ZDBF2: variants seen among roughly 807,000 people sequenced by gnomAD.
The protein encoded by ZDBF2 is zinc finger DBF-type containing 2.
In ZDBF2, 6 loss-of-function variants were observed where a neutral mutation model predicts 9.4. That is an observed-to-expected ratio of 0.64 (90% CI 0.35 to 1.27). The LOEUF is 1.27. Among genes scored for constraint, ZDBF2 ranks in the 50% most tolerant of loss-of-function variants. The probability of loss-of-function intolerance (pLI) is 0.03; values close to 1 mark genes in which losing one functional copy is unlikely to be tolerated. For missense variants in ZDBF2, 2,697 were observed against 2,766.8 expected, an observed-to-expected ratio of 0.97 and a Z score of 0.57; for synonymous variants, 905 against 946.3, an observed-to-expected ratio of 0.96 and a Z score of 0.80.
In ZDBF2 at chr2:206,311,482, T is replaced by A; in HGVS notation, c.6954T>A (p.Gly2318=). The change falls in exon 5 of 5, where the codon GGT becomes GGA. Residue 2318 remains glycine (G), a synonymous_variant. Coordinates refer to ENST00000374423, the MANE Select transcript of ZDBF2 (RefSeq NM_020923.3). ...TDESYHGRQK[G]PSTPVRAYDL... is the part of the protein sequence containing the mutation. The stretch of plus-strand genomic sequence containing the variant: ...AAAGCTACCATGGCCGACAGAAAGG[T>A]CCTTCTACACCTGTGAGAGCATATG... The A allele has an allele frequency of 2.5e-6, 4 of 1,611,040 alleles. No individual in the cohort carries two copies. Among genetic ancestry groups the A allele is most frequent in the Non-Finnish European group, 3.4e-6 (4 of 1,179,006 alleles).
intron 1 of ZDBF2, among the ~76,000 whole-genome samples, chr2:206,278,563 GC>G (rs1209246293): frequency 6.6e-6 from 1 of 152,038 alleles, no homozygotes; most frequent in Non-Finnish European, 1.5e-5. Context: ...CAATCTACTT[GC>G]CCTGGTTTAT....
chr2:206,286,044 T>A (rs1229812494), intron 3 of ZDBF2, among the ~76,000 whole-genome samples: 1 of 152,250 alleles, frequency 6.6e-6, no homozygotes, highest in Non-Finnish European at 1.5e-5. Context: ...ATTTCTAGTT[T>A]ATGCTATTGT....
chr2:206,304,694 G>T, intron 4 of ZDBF2, 23 bp from the exon 5 acceptor site: 2 of 1,574,282 alleles, frequency 1.3e-6, no homozygotes, highest in South Asian at 2.4e-5. Flanking sequence ...ATATGTTTAT[G>T]AGTTTCCCCC....
rs1055294454 is a variant in ZDBF2, at chr2:206,277,312, A to T, written c.-102-2228A>T. Among the ~76,000 whole-genome samples the T allele has an allele frequency of 5.7e-5, 8 of 141,562 alleles. No individual in the cohort carries two copies. The East Asian group carries it at 8.1e-4, about 14-fold the overall frequency. The allele number at this position is 141,562 out of a possible 152,430, so 92.9% of individuals were successfully genotyped here. ...TCAGGTGTGCAAGAAATATTTCTTT[A>T]AAAAAAAAAAAACCAAAAACAAAAT... On this transcript the variant is annotated intron_variant, in intron 1 of 4. Transcript: ENST00000374423.
At position 206,305,045 on chromosome 2, in the gene ZDBF2, A is replaced by T. The variant is rs183089709; in HGVS notation, c.517A>T (p.Asn173Tyr). The change falls in exon 5 of 5, where the codon AAT becomes TAT. Residue 173 changes from asparagine to tyrosine, a missense_variant. This residue lies in a region of ZDBF2 where 910 missense variants were observed against 973.6 expected (regional missense o/e 0.93). Transcript: ENST00000374423. ...NLVDIGQATN[N>Y]RSNLVRPPVI... ...AGTAGATATTGGTCAGGCTACAAAT[A>T]ATAGAAGCAACTTGGTACGCCCCCC... is the stretch of plus-strand genomic sequence containing the variant. The T allele has an allele frequency of 6.8e-6, 11 of 1,613,812 alleles. No homozygotes were observed. The highest frequency in any genetic ancestry group is 1.7e-5 in the Admixed American group (1 of 59,964).
chr2:206,291,318 C>T (rs1433225215), intron 3 of ZDBF2, among the ~76,000 whole-genome samples: 1 of 152,186 alleles, frequency 6.6e-6, no homozygotes, highest in Non-Finnish European at 1.5e-5. Context: ...GCACAGTTCA[C>T]AATAGAGTTT....
chr2:206,307,989 A>G lies in ZDBF2; in HGVS notation c.3461A>G (p.Gln1154Arg), dbSNP rs1377593979. The G allele has an allele frequency of 6.2e-7, 1 of 1,613,760 alleles. No individual in the cohort carries two copies. The highest frequency in any genetic ancestry group is 1.7e-5 in the Admixed American group (1 of 59,988). The change falls in exon 5 of 5, where the codon CAA becomes CGA. Residue 1154 changes from glutamine (Q) to arginine (R), a missense_variant. Around this residue, in one of 3 missense-constraint regions of ZDBF2, gnomAD observed 1,783 missense variants for 1,776.5 expected, o/e 1.00. Transcript: ENST00000374423. ...NHMYLEVKNSQYSCSEMNLDS... is the reference protein window; with the variant it reads ...NHMYLEVKNSRYSCSEMNLDS... ...ATGTACTTGGAAGTTAAGAACAGCC[A>G]ATATAGTTGTTCAGAAATGAATTTG...
At chr2:206,292,820 A>G (rs1246258008) in intron 3 of ZDBF2, among the ~76,000 whole-genome samples, 1 of 152,162 alleles carries the variant, frequency 6.6e-6, no homozygotes, top group Non-Finnish European at 1.5e-5. Context: ...TCTTTAAACT[A>G]GAAACTATAA....
chr2:206,289,668 G>A (rs1055693716), intron 3 of ZDBF2, among the ~76,000 whole-genome samples: 1 of 152,200 alleles, frequency 6.6e-6, no homozygotes, highest in African/African-American at 2.4e-5. Context: ...AGCCACATGG[G>A]TCACAGGGGT....
chr2:206,275,097 A>T (rs573441546), intron 1 of ZDBF2, among the ~76,000 whole-genome samples, 151 bp downstream of exon 1: 3 of 151,054 alleles, frequency 2.0e-5, no homozygotes, highest in African/African-American at 7.3e-5. Context: ...GCTTCCCCCC[A>T]CCCCGCGTCC....
Position 206,310,302 on chromosome 2 carries a change from G to C in ZDBF2, c.5774G>C (p.Arg1925Thr), listed in dbSNP as rs768698119. The change falls in exon 5 of 5, where the codon AGG (arginine) becomes ACG (threonine). Residue 1925 changes from arginine (R) to threonine (T), a missense_variant. Physicochemically the swap from Arg to Thr is moderately conservative, Grantham distance 71. Around this residue, in one of 3 missense-constraint regions of ZDBF2, gnomAD observed 1,783 missense variants for 1,776.5 expected, o/e 1.00. Coordinates refer to ENST00000374423, the MANE Select transcript of ZDBF2 (RefSeq NM_020923.3). ...TGCCATCGTCATCCTCCAGCAGAGA[G>C]GCCTCCTAAGCAAAAGGGGCGTGTG... ...KPCHRHPPAE[R>T]PPKQKGRVAS... 5 of 1,613,816 alleles carry C rather than the reference G, an allele frequency of 3.1e-6. No homozygotes were observed. The highest frequency in any genetic ancestry group is 4.2e-6 in the Non-Finnish European group (5 of 1,179,908).
Position 206,307,262 on chromosome 2 carries a change from A to G in ZDBF2, c.2734A>G (p.Ile912Val). 1.2e-6 allele frequency: 2 copies of G among 1,607,400 alleles called. No individual in the cohort carries two copies. The highest frequency in any genetic ancestry group is 1.7e-6 in the Non-Finnish European group (2 of 1,178,196). ...VHLENKENEP[I>V]DSEVSLDYNI... The stretch of plus-strand genomic sequence containing the variant: ...CTTAGAAAATAAGGAAAATGAACCT[A>G]TTGATTCTGAAGTAAGTTTGGATTA... Residue 912 changes from isoleucine to valine, a missense_variant, in exon 5 of 5, where the codon ATT becomes GTT. Physicochemically the swap from Ile to Val is conservative, Grantham distance 29. This residue lies in a region of ZDBF2 where 1,783 missense variants were observed against 1,776.5 expected (regional missense o/e 1.00). Coordinates refer to ENST00000374423, the MANE Select transcript of ZDBF2 (RefSeq NM_020923.3).
At position 206,297,354 on chromosome 2, in the gene ZDBF2, T is replaced by C; in HGVS notation, c.169T>C (p.Tyr57His). The stretch of plus-strand genomic sequence containing the variant: ...ACAGGATGTACTGCAGCACCACCCA[T>C]ATCATTGTCAAGAGAGCAGGTAAAG... ...FLQDVLQHHP[Y>H]HCQESSSTQD... The change falls in exon 4 of 5, where the codon TAT becomes CAT. Residue 57 changes from tyrosine to histidine, a missense_variant. Tyr to His is a moderately conservative substitution (Grantham distance 83, BLOSUM62 2). Coordinates refer to ENST00000374423, the MANE Select transcript of ZDBF2 (RefSeq NM_020923.3). 2 of 1,613,084 alleles carry C rather than the reference T, an allele frequency of 1.2e-6. No homozygotes were observed. The highest frequency in any genetic ancestry group is 1.7e-6 in the Non-Finnish European group (2 of 1,179,566).
chr2:206,313,252 G>T lies in ZDBF2; in HGVS notation c.*1659G>T, dbSNP rs900732774. The T allele has an allele frequency of 1.3e-5, 2 of 152,154 alleles. No homozygotes were observed. The highest frequency in any genetic ancestry group is 4.8e-5 in the African/African-American group (2 of 41,426). The allele number at this position is 152,154 out of a possible 1,614,324, so 9.4% of individuals were successfully genotyped here. On this transcript the variant is annotated 3_prime_UTR_variant, in exon 5 of 5. Transcript: ENST00000374423. ...TATTTCAGGGGCCATTATTTAACCT[G>T]TGTGTATGCTATGATGGAGTTCTTT...
chr2:206,312,878 T>C lies in ZDBF2; in HGVS notation c.*1285T>C, dbSNP rs1425752486. The C allele has an allele frequency of 6.6e-6, 1 of 152,234 alleles. No individual in the cohort carries two copies. The highest frequency in any genetic ancestry group is 1.5e-5 in the Non-Finnish European group (1 of 68,042). 9.4% of individuals were successfully genotyped at this position (152,234 alleles called of 1,614,324 possible). A position where few individuals can be genotyped will look rare whatever the true frequency, so the allele number is the denominator to read the frequency against. On this transcript the variant is annotated 3_prime_UTR_variant, in exon 5 of 5. Transcript: ENST00000374423. ...CAAGTGGAAACCTGTATTTATACATTAGTTTGTCTTTAACTATTTGTTAAC... is the reference window on the plus strand; with the variant it reads ...CAAGTGGAAACCTGTATTTATACATCAGTTTGTCTTTAACTATTTGTTAAC...
chr2:206,292,090 C>T (rs1404574292), intron 3 of ZDBF2: 2 of 398,176 alleles, frequency 5.0e-6, no homozygotes, highest in Non-Finnish European at 8.9e-6. Flanking sequence ...CTCAGAGATA[C>T]AGGAAGTAAT....
intron 2 of ZDBF2, among the ~76,000 whole-genome samples, chr2:206,280,499 T>A (rs1691254696): frequency 6.6e-6 from 1 of 152,208 alleles, no homozygotes; most frequent in Non-Finnish European, 1.5e-5. Context: ...AAATTTGCCT[T>A]ATGTGTAAGT....
Position 206,295,845 on chromosome 2 carries a change from ATAATAT to A in ZDBF2, c.61-1398_61-1393del, listed in dbSNP as rs1347541255. On this transcript the variant is annotated intron_variant, in intron 3 of 4. Coordinates refer to ENST00000374423, the MANE Select transcript of ZDBF2 (RefSeq NM_020923.3). ...CCCATTCTGCTTGCTACTCCACTAA[ATAATAT>A]TAGTAAAGAAAGAATCTTTCTAACT... Among the ~76,000 whole-genome samples the A allele has an allele frequency of 5.9e-5, 9 of 152,258 alleles. No homozygotes were observed. In the East Asian group the frequency reaches 1.7e-3, roughly 29 times the overall value.
chr2:206,309,894 C>G lies in ZDBF2; in HGVS notation c.5366C>G (p.Ser1789Ter), dbSNP rs1693061158. 1.2e-6 allele frequency: 2 copies of G among 1,613,810 alleles called. No homozygotes were observed. The highest frequency in any genetic ancestry group is 1.7e-6 in the Non-Finnish European group (2 of 1,179,900). Residue 1789 changes from serine to a stop codon, truncating the protein, a stop_gained, in exon 5 of 5, where the codon TCA (serine) becomes TGA (stop). Coordinates refer to ENST00000374423, the MANE Select transcript of ZDBF2 (RefSeq NM_020923.3). LOFTEE classifies it low-confidence loss of function (END_TRUNC). ...AAAGAAAAGAACCATGATTCCCAGT[C>G]AAGCTCTGTTCTCAAGGTTGATTCT... ...DLKEKNHDSQ[S>*]SSVLKVDSVR...
Sources: allele counts gnomAD v4.1 joint callset (sites outside exome capture counted in the v4.1 genomes callset), GRCh38; gene constraint gnomAD v4.1.1; regional missense constraint gnomAD v4.1.1; transcripts MANE v1.5; gene names NCBI Gene and HGNC (gene_info 2026-07-23, HGNC 2026-07-21).